CCDC60: variants seen among roughly 807,000 people sequenced by gnomAD.
CCDC60 encodes coiled-coil domain containing 60.
Under a neutral mutation model 63.5 loss-of-function variants are expected in CCDC60, and 54 were observed. That is an observed-to-expected ratio of 0.85 (90% CI 0.68 to 1.07). CCDC60 has a LOEUF of 1.07. Among genes scored for constraint, CCDC60 ranks in the 50% least tolerant of loss-of-function variants. The pLI, the probability that CCDC60 is intolerant of heterozygous loss-of-function variation, is 0.00. For missense variants in CCDC60, 651 were observed against 684.3 expected, an observed-to-expected ratio of 0.95 and a Z score of 0.54; for synonymous variants, 206 against 238.8, an observed-to-expected ratio of 0.86 and a Z score of 1.27.
chr12:119,434,822 G>A (rs1169258639), intron 2 of CCDC60, among the ~76,000 whole-genome samples: 1 of 115,932 alleles, frequency 8.6e-6, no homozygotes, highest in Admixed American at 9.8e-5. Context: ...TAAAATTGAA[G>A]AGTTGGGTAA....
Position 119,452,302 on chromosome 12 carries a change from G to A in CCDC60, c.171-19692G>A, listed in dbSNP as rs74666015. Among the ~76,000 whole-genome samples, 67 of 152,284 alleles carry A rather than the reference G, an allele frequency of 4.4e-4. 3 individuals are homozygous for A. In the East Asian group the frequency reaches 0.011, roughly 25 times the overall value. On this transcript the variant is annotated intron_variant, in intron 2 of 13. Coordinates refer to ENST00000327554, the MANE Select transcript of CCDC60 (RefSeq NM_178499.5). The stretch of plus-strand genomic sequence containing the variant: ...AAAGCAGTTTTGAATATCCAATTTA[G>A]AATTGTACTTTCTCTTTGCATGGCA...
At chr12:119,372,693 AG>A (rs1331542489) in intron 1 of CCDC60, among the ~76,000 whole-genome samples, 6 of 152,174 alleles carry the variant, frequency 3.9e-5, no homozygotes, top group Non-Finnish European at 8.8e-5. Flanking sequence ...CCTTATCAGC[AG>A]GCATGACATA....
chr12:119,337,938 A>G (rs1955491080), intron 1 of CCDC60, among the ~76,000 whole-genome samples: 1 of 151,966 alleles, frequency 6.6e-6, no homozygotes, highest in Non-Finnish European at 1.5e-5. Flanking sequence ...ATCCTACCAT[A>G]GAGAGATGTA....
intron 5 of CCDC60, among the ~76,000 whole-genome samples, chr12:119,494,042 C>G (rs1185715427): frequency 1.3e-5 from 2 of 152,146 alleles, no homozygotes; most frequent in African/African-American, 4.8e-5. Context: ...TGCTTTGCTA[C>G]CAAATAAGCC....
chr12:119,511,267 T>C (rs1952209173), intron 7 of CCDC60, among the ~76,000 whole-genome samples: 1 of 152,098 alleles, frequency 6.6e-6, no homozygotes, highest in South Asian at 2.1e-4. Context: ...AATTCAGGAG[T>C]CCTATTCTAA....
chr12:119,433,252 A>C, intron 2 of CCDC60: 1 of 611,424 alleles, frequency 1.6e-6, no homozygotes, highest in Non-Finnish European at 2.9e-6. Flanking sequence ...AATAGAGGGG[A>C]TTAATTATTA....
chr12:119,514,225 G>A (rs1187603020), intron 7 of CCDC60, among the ~76,000 whole-genome samples: 2 of 151,634 alleles, frequency 1.3e-5, no homozygotes, highest in Non-Finnish European at 2.9e-5. Context: ...TGCCCAGGCT[G>A]GAGTGCAGTG....
intron 2 of CCDC60, among the ~76,000 whole-genome samples, chr12:119,431,936 C>G (rs1177319423): frequency 6.6e-6 from 1 of 152,194 alleles, no homozygotes; most frequent in African/African-American, 2.4e-5. Flanking sequence ...GCCTCGGCCT[C>G]CCAAAGTGCT....
At chr12:119,373,661 G>T in intron 1 of CCDC60, among the ~76,000 whole-genome samples, 1 of 125,286 alleles carries the variant, frequency 8.0e-6, no homozygotes, top group African/African-American at 2.9e-5. Flanking sequence ...TCTCTCCGGG[G>T]TGGGGTGGGG....
At chr12:119,492,236 C>A (rs1389204721) in intron 5 of CCDC60, among the ~76,000 whole-genome samples, 1 of 152,132 alleles carries the variant, frequency 6.6e-6, no homozygotes, top group East Asian at 1.9e-4. Context: ...AATGTTTTAA[C>A]AACCAGTTCT....
At chr12:119,391,655 G>C (rs955562513) in intron 1 of CCDC60, among the ~76,000 whole-genome samples, 1 of 152,328 alleles carries the variant, frequency 6.6e-6, no homozygotes, top group East Asian at 1.9e-4. Context: ...GTGATGCTGC[G>C]GTGTCTGGCA....
chr12:119,406,544 G>A (rs12306000), intron 1 of CCDC60, among the ~76,000 whole-genome samples: 30,306 of 152,034 alleles, frequency 0.2, 3,287 homozygotes, highest in African/African-American at 0.23. Context: ...CATACTCCTC[G>A]CATACATTGC....
chr12:119,500,777 C>G lies in CCDC60; in HGVS notation c.648+609C>G, dbSNP rs549966647. Among the ~76,000 whole-genome samples, 79 of 152,170 alleles carry G rather than the reference C, an allele frequency of 5.2e-4. 2 individuals are homozygous for G. The South Asian group carries it at 0.016, about 31-fold the overall frequency. Reference sequence around the variant, plus strand: ...GCTGAAGTGAGAGGATCATTTAAGCCCAGGAATTGGAGGCTGCAGTGAGCT... The same window carrying G: ...GCTGAAGTGAGAGGATCATTTAAGCGCAGGAATTGGAGGCTGCAGTGAGCT... On this transcript the variant is annotated intron_variant, in intron 6 of 13. Coordinates refer to ENST00000327554, the MANE Select transcript of CCDC60 (RefSeq NM_178499.5).
intron 2 of CCDC60, chr12:119,433,530 C>T (rs933021052): frequency 4.3e-6 from 3 of 702,318 alleles, no homozygotes; most frequent in African/African-American, 3.5e-5. Flanking sequence ...TCAGGATTCC[C>T]CTTCAGAAGG....
intron 2 of CCDC60, among the ~76,000 whole-genome samples, chr12:119,457,312 T>C (rs932842532): frequency 1.4e-4 from 21 of 152,190 alleles, no homozygotes; most frequent in African/African-American, 5.1e-4. Context: ...CTTTCTTCCA[T>C]CCAATTTATG....
chr12:119,527,376 C>G (rs994346605), intron 11 of CCDC60, among the ~76,000 whole-genome samples: 1 of 152,096 alleles, frequency 6.6e-6, no homozygotes, highest in Admixed American at 6.5e-5. Context: ...ACATGTTTAT[C>G]TATGTAACAA....
rs140651767 is a variant in CCDC60, at chr12:119,343,628, T to G, written c.90+8362T>G. Among the ~76,000 whole-genome samples the G allele has an allele frequency of 1.2e-3, 181 of 149,244 alleles. 2 individuals carry two copies. The highest frequency in any genetic ancestry group is 4.3e-3 in the African/African-American group (175 of 40,462). ...ATTTATAAATAACTATGAATCAAGATAGTGAATAACAAGTACCAAAAGAAA... is the reference window on the plus strand; with the variant it reads ...ATTTATAAATAACTATGAATCAAGAGAGTGAATAACAAGTACCAAAAGAAA... On this transcript the variant is annotated intron_variant, in intron 1 of 13. Coordinates refer to ENST00000327554, the MANE Select transcript of CCDC60 (RefSeq NM_178499.5).
At chr12:119,523,932 G>A in intron 11 of CCDC60, 114 bp downstream of exon 11, 1 of 1,111,654 alleles carries the variant, frequency 9.0e-7, no homozygotes, top group Admixed American at 2.5e-5. Context: ...CTTGTTCTCT[G>A]TCCTCAGGGA....
chr12:119,465,239 G>A (rs1014994908), intron 2 of CCDC60, among the ~76,000 whole-genome samples: 7 of 152,050 alleles, frequency 4.6e-5, no homozygotes, highest in East Asian at 1.9e-4. Context: ...CGTGGAACCC[G>A]GGAGGCGGAG....
Sources: gnomAD v4.1 joint callset for allele counts (sites outside exome capture counted in the v4.1 genomes callset) on GRCh38, gnomAD v4.1.1 for gene constraint, MANE v1.5 for transcripts, NCBI Gene and HGNC (gene_info 2026-07-23, HGNC 2026-07-21) for gene names.